The following ARHGEF26 variants were observed in gnomAD, a reference collection of about 807,000 sequenced individuals.
ARHGEF26 encodes the protein Rho guanine nucleotide exchange factor 26, also known as Rho guanine nucleotide exchange factor (GEF) 26.
Under a neutral mutation model 89.4 loss-of-function variants are expected in ARHGEF26, and 59 were observed. That is an observed-to-expected ratio of 0.66 (90% confidence interval 0.54 to 0.82). The LOEUF is 0.82. Ranked by LOEUF, ARHGEF26 falls within the 40% of genes least tolerant of loss-of-function variation. ARHGEF26 has a pLI of 0.00. For missense variants in ARHGEF26, 1,234 were observed against 1,085.6 expected (o/e 1.14, Z -1.92); for synonymous variants, 500 against 428.4 (o/e 1.17, Z -2.06).
chr3:154,213,194 A>T (rs1469034144), intron 9 of ARHGEF26, among the ~76,000 whole-genome samples: 1 of 134,652 alleles, frequency 7.4e-6, no homozygotes, highest in African/African-American at 2.9e-5. Flanking sequence ...TTTCTTTACG[A>T]GTAACATAGA....
At chr3:154,211,887 A>T (rs1008355746) in intron 9 of ARHGEF26, among the ~76,000 whole-genome samples, 2 of 97,362 alleles carry the variant, frequency 2.1e-5, no homozygotes, top group South Asian at 7.8e-4. Flanking sequence ...GTGTGTGTGT[A>T]TTTTATTGAT....
chr3:154,248,686 T>G (rs1057292718), intron 12 of ARHGEF26, among the ~76,000 whole-genome samples: 1 of 152,160 alleles, frequency 6.6e-6, no homozygotes, highest in African/African-American at 2.4e-5. Context: ...TGGACCAGAT[T>G]TTTTAGGTCT....
At position 154,240,594 on chromosome 3, in the gene ARHGEF26, G is replaced by A. The variant is rs1196238061; in HGVS notation, c.2300+15G>A. On this transcript the variant is annotated intron_variant, in intron 12 of 14. Transcript: ENST00000465093. ...GCTGAGACGCAGTAAGTATATGTGG[G>A]GAAAAGATTGGAATAGCTGATAGTA... 2 of 1,582,792 alleles carry A rather than the reference G, an allele frequency of 1.3e-6. No homozygotes were observed. Among genetic ancestry groups the A allele is most frequent in the South Asian group, 1.2e-5 (1 of 86,300 alleles).
At chr3:154,187,650 G>T (rs766215111) in intron 6 of ARHGEF26, 35 bp from the exon 7 acceptor site, 36 of 1,553,732 alleles carry the variant, frequency 2.3e-5, no homozygotes, top group Non-Finnish European at 3.1e-5. Flanking sequence ...GTGTATGAAA[G>T]AAGTGTTAAT....
intron 13 of ARHGEF26, 81 bp from the exon 14 acceptor site, chr3:154,254,639 A>G (rs1357321120): frequency 4.6e-6 from 5 of 1,092,456 alleles, no homozygotes; most frequent in Admixed American, 4.1e-5. Flanking sequence ...TTGCAGAGAA[A>G]AATAAGTAAG....
intron 8 of ARHGEF26, 125 bp from the exon 9 acceptor site, chr3:154,194,519 C>A: frequency 1.5e-6 from 1 of 670,842 alleles, no homozygotes; most frequent in East Asian, 2.7e-5. Context: ...ATATTATCCT[C>A]ATACTCATCC....
intron 11 of ARHGEF26, among the ~76,000 whole-genome samples, chr3:154,234,921 G>A (rs150984496): frequency 0.042 from 6,389 of 151,976 alleles, 167 homozygotes; most frequent in Middle Eastern, 0.088. Context: ...GCTCACCACC[G>A]CGCCCGGCTA....
intron 9 of ARHGEF26, among the ~76,000 whole-genome samples, chr3:154,209,438 G>T (rs1674633776): frequency 6.6e-6 from 1 of 152,092 alleles, no homozygotes; most frequent in Non-Finnish European, 1.5e-5. Context: ...AAGAACTTGG[G>T]TGTTGTGATC....
At chr3:154,156,984 T>G (rs1720374120) in intron 6 of ARHGEF26, among the ~76,000 whole-genome samples, 1 of 152,126 alleles carries the variant, frequency 6.6e-6, no homozygotes, top group African/African-American at 2.4e-5. Context: ...ACATCCAAAT[T>G]AACAGTGTGT....
rs761988989 is a variant in ARHGEF26, at chr3:154,255,315, CTG to C, written c.2474-14_2474-13del. The C allele has an allele frequency of 6.2e-7, 1 of 1,609,408 alleles. No individual in the cohort carries two copies. The highest frequency in any genetic ancestry group is 8.5e-7 in the Non-Finnish European group (1 of 1,177,544). On this transcript the variant is annotated splice_polypyrimidine_tract_variant and intron_variant, in intron 14 of 14. Coordinates refer to ENST00000465093, the MANE Select transcript of ARHGEF26 (RefSeq NM_015595.4). ...AAATACTTGTTGTTTGGTGTGGACT[CTG>C]TTCTTTTTCACAGGCTGGTATGAGG... is the stretch of plus-strand genomic sequence containing the variant.
At chr3:154,176,594 T>C (rs1284948908) in intron 6 of ARHGEF26, among the ~76,000 whole-genome samples, 1 of 152,116 alleles carries the variant, frequency 6.6e-6, no homozygotes, top group Non-Finnish European at 1.5e-5. Context: ...TTAGGCTGGC[T>C]GAGAGGCATA....
chr3:154,254,267 A>C (rs1162430039), intron 13 of ARHGEF26, among the ~76,000 whole-genome samples: 2 of 152,074 alleles, frequency 1.3e-5, no homozygotes, highest in African/African-American at 4.8e-5. Context: ...TTTTGGTTGG[A>C]GCTCATTTTA....
chr3:154,194,815 T>C (rs1348710213), intron 9 of ARHGEF26, 97 bp downstream of exon 9: 1 of 1,008,852 alleles, frequency 9.9e-7, no homozygotes, highest in Non-Finnish European at 1.5e-6. Flanking sequence ...ACTGGTAGAG[T>C]CTCACAGCCA....
At chr3:154,126,325 C>T (rs933523368) in intron 3 of ARHGEF26, among the ~76,000 whole-genome samples, 1 of 152,144 alleles carries the variant, frequency 6.6e-6, no homozygotes, top group African/African-American at 2.4e-5. Context: ...TCATAATCTT[C>T]CCCACTAAAC....
chr3:154,183,214 T>A (rs1227843217), intron 6 of ARHGEF26, among the ~76,000 whole-genome samples: 1 of 152,172 alleles, frequency 6.6e-6, no homozygotes, highest in Non-Finnish European at 1.5e-5. Flanking sequence ...CTTGTGTTTC[T>A]GGTTAGGAGG....
intron 11 of ARHGEF26, among the ~76,000 whole-genome samples, chr3:154,234,938 T>C (rs1180179868): frequency 6.6e-6 from 1 of 152,116 alleles, no homozygotes; most frequent in Non-Finnish European, 1.5e-5. Flanking sequence ...GCTAATTTTT[T>C]GTATTTTTAG....
intron 2 of ARHGEF26, among the ~76,000 whole-genome samples, chr3:154,123,397 A>C (rs1369510001): frequency 6.6e-6 from 1 of 152,134 alleles, no homozygotes; most frequent in South Asian, 2.1e-4. Flanking sequence ...GATAGCTGAA[A>C]GGGGGAGGAG....
At chr3:154,253,008 G>A in intron 12 of ARHGEF26, 108 bp from the exon 13 acceptor site, 1 of 1,245,754 alleles carries the variant, frequency 8.0e-7, no homozygotes, top group East Asian at 2.4e-5. Context: ...TACCTCTCTA[G>A]AGAATCTCTT....
chr3:154,226,343 A>C (rs1386150959), intron 11 of ARHGEF26, among the ~76,000 whole-genome samples: 2 of 152,114 alleles, frequency 1.3e-5, no homozygotes, highest in Non-Finnish European at 2.9e-5. Context: ...TCTACCATAA[A>C]ATTTTTGTGT....
Sources: allele counts gnomAD v4.1 joint callset (sites outside exome capture counted in the v4.1 genomes callset), GRCh38; gene constraint gnomAD v4.1.1; transcripts MANE v1.5; gene names NCBI Gene and HGNC (gene_info 2026-07-23, HGNC 2026-07-21).